Variants in SAMD4A observed in about 807,000 individuals in gnomAD.
SAMD4A encodes sterile alpha motif domain containing 4A, also known as protein Smaug homolog 1.
Under a neutral mutation model 81.3 loss-of-function variants are expected in SAMD4A, and 33 were observed. The ratio of observed to expected loss-of-function variants is 0.41; its 90% CI spans 0.31 to 0.54. The LOEUF (loss-of-function observed/expected upper bound fraction) is 0.54, where lower values mean the gene tolerates loss of function less well. SAMD4A is among the 20% of genes least tolerant of loss of function. The pLI is 0.37. For synonymous variants in SAMD4A, 389 were observed against 382.1 expected, an observed-to-expected ratio of 1.02 and a Z score of -0.21; for missense variants, 854 against 951.1, an observed-to-expected ratio of 0.90 and a Z score of 1.34.
chr14:54,679,773 A>G (rs1472930224), intron 2 of SAMD4A, among the ~76,000 whole-genome samples: 1 of 152,202 alleles, frequency 6.6e-6, no homozygotes, highest in Non-Finnish European at 1.5e-5. Flanking sequence ...CCTGTCTGCA[A>G]TTGGGAGACA....
At chr14:54,667,358 G>A (rs2035778850) in intron 2 of SAMD4A, among the ~76,000 whole-genome samples, 1 of 152,190 alleles carries the variant, frequency 6.6e-6, no homozygotes, top group African/African-American at 2.4e-5. Flanking sequence ...CATGATTGGT[G>A]GCTTTGAGCT....
intron 2 of SAMD4A, among the ~76,000 whole-genome samples, chr14:54,675,883 C>T (rs1030150729): frequency 6.6e-6 from 1 of 152,166 alleles, no homozygotes; most frequent in Non-Finnish European, 1.5e-5. Flanking sequence ...AGTCCTTGCT[C>T]GTGAGGTTTG....
chr14:54,637,254 A>G (rs1247643998), intron 2 of SAMD4A, among the ~76,000 whole-genome samples: 1 of 150,396 alleles, frequency 6.6e-6, no homozygotes, highest in Non-Finnish European at 1.5e-5. Context: ...AATCCCAGCT[A>G]CTTGGGTGGC....
At chr14:54,704,850 C>T (rs2036812327) in intron 3 of SAMD4A, among the ~76,000 whole-genome samples, 2 of 152,122 alleles carry the variant, frequency 1.3e-5, no homozygotes. Flanking sequence ...TCTGTGTTGC[C>T]TATGGTGGTT....
chr14:54,701,938 T>G, intron 2 of SAMD4A, 124 bp from the exon 3 acceptor site: 1 of 1,089,576 alleles, frequency 9.2e-7, no homozygotes, highest in Non-Finnish European at 1.3e-6. Context: ...CACAGGCTCT[T>G]TTGAGAAAAT....
intron 2 of SAMD4A, among the ~76,000 whole-genome samples, chr14:54,696,159 G>A (rs1212668855): frequency 2.6e-5 from 4 of 152,154 alleles, no homozygotes; most frequent in African/African-American, 4.8e-5. Context: ...TAGCTCAAGA[G>A]GGTACCTTGG....
chr14:54,781,665 G>A (rs963862823), intron 11 of SAMD4A, among the ~76,000 whole-genome samples: 4 of 152,322 alleles, frequency 2.6e-5, no homozygotes, highest in African/African-American at 7.2e-5. Flanking sequence ...CTGTGGCCAC[G>A]AGGGGCAGGG....
At chr14:54,696,058 A>T (rs1273756527) in intron 2 of SAMD4A, among the ~76,000 whole-genome samples, 1 of 152,060 alleles carries the variant, frequency 6.6e-6, no homozygotes, top group Admixed American at 6.6e-5. Flanking sequence ...AGGGCTCATA[A>T]CTCCAGACTG....
intron 2 of SAMD4A, among the ~76,000 whole-genome samples, chr14:54,617,838 G>T (rs1434686877): frequency 6.6e-6 from 1 of 152,116 alleles, no homozygotes; most frequent in Non-Finnish European, 1.5e-5. Flanking sequence ...TGAAAGTTGG[G>T]TGCCTTATTT....
At chr14:54,763,380 T>C (rs1314986565) in intron 7 of SAMD4A, among the ~76,000 whole-genome samples, 1 of 152,034 alleles carries the variant, frequency 6.6e-6, no homozygotes, top group Non-Finnish European at 1.5e-5. Context: ...AAAGTATATA[T>C]ACTTACAATA....
chr14:54,748,481 C>T (rs963923738), intron 4 of SAMD4A, among the ~76,000 whole-genome samples: 1 of 152,144 alleles, frequency 6.6e-6, no homozygotes, highest in Non-Finnish European at 1.5e-5. Flanking sequence ...CTTATAGAAG[C>T]TATGGATGGC....
chr14:54,739,055 CTTT>C (rs3051648), intron 4 of SAMD4A, among the ~76,000 whole-genome samples: 2 of 97,354 alleles, frequency 2.1e-5, no homozygotes, highest in Admixed American at 1.3e-4. Flanking sequence ...CTTTCCTTTT[CTTT>C]TTTTTTTTTT....
At chr14:54,627,707 A>G (rs10873084) in intron 2 of SAMD4A, among the ~76,000 whole-genome samples, 86,564 of 152,086 alleles carry the variant, frequency 0.57, 25,000 homozygotes, top group East Asian at 0.86. Flanking sequence ...GCTCCTTTAA[A>G]CCAGTGGGAG....
intron 4 of SAMD4A, among the ~76,000 whole-genome samples, chr14:54,742,141 C>T (rs909332114): frequency 2.0e-5 from 3 of 151,816 alleles, no homozygotes; most frequent in South Asian, 2.1e-4. Context: ...GAAGTGGGAC[C>T]GATGCAAGCA....
intron 2 of SAMD4A, among the ~76,000 whole-genome samples, chr14:54,615,017 G>T (rs568097751): frequency 1.3e-5 from 2 of 152,234 alleles, no homozygotes; most frequent in Non-Finnish European, 2.9e-5. Flanking sequence ...ACAAAAGGGT[G>T]GTCAGATGCC....
At chr14:54,584,094 A>G (rs2033549562) in intron 2 of SAMD4A, among the ~76,000 whole-genome samples, 1 of 152,224 alleles carries the variant, frequency 6.6e-6, no homozygotes, top group South Asian at 2.1e-4. Context: ...GAGCAATTTC[A>G]TAAAGAATAA....
At chr14:54,682,171 C>T (rs1468954708) in intron 2 of SAMD4A, 1 of 504,816 alleles carries the variant, frequency 2.0e-6, no homozygotes, top group African/African-American at 2.1e-5. Context: ...GCTGTGTGCA[C>T]AGAAGAATCT....
chr14:54,608,618 T>G lies in SAMD4A; in HGVS notation c.196+40506T>G, dbSNP rs547453225. On this transcript the variant is annotated intron_variant, in intron 2 of 12. Transcript: ENST00000554335. ...GCTGTGCTGGCACATAGTAGGTTAT[T>G]GAGTTTGATATTTCGGTGAATGAAG... Among the ~76,000 whole-genome samples, 7 of 152,364 alleles carry G rather than the reference T, an allele frequency of 4.6e-5. No individual in the cohort carries two copies. In the East Asian group the frequency reaches 1.3e-3, roughly 29 times the overall value.
intron 4 of SAMD4A, 133 bp downstream of exon 4, chr14:54,737,420 C>G (rs531414896): frequency 1.7e-5 from 18 of 1,063,296 alleles, no homozygotes; most frequent in Middle Eastern, 6.3e-4. Context: ...TTTGATCTGT[C>G]CCTTCCAGAA....
Sources: allele counts gnomAD v4.1 joint callset (sites outside exome capture counted in the v4.1 genomes callset), GRCh38; gene constraint gnomAD v4.1.1; transcripts MANE v1.5; gene names NCBI Gene and HGNC (gene_info 2026-07-23, HGNC 2026-07-21).